The following VSNL1 variants were observed in gnomAD, a reference collection of about 807,000 sequenced individuals.
The protein encoded by VSNL1 is visinin like 1.
VSNL1 carries 6 observed loss-of-function variants against 20.4 expected under a neutral mutation model. The ratio of observed to expected loss-of-function variants is 0.29; its 90% CI spans 0.16 to 0.58. The LOEUF is 0.58. Among genes scored for constraint, VSNL1 ranks in the 20% least tolerant of loss-of-function variants. VSNL1 has a pLI of 0.90. For synonymous variants in VSNL1, 93 were observed against 86.4 expected (o/e 1.08, Z -0.42); for missense variants, 100 against 234.5 (o/e 0.43, Z 3.75).
At chr2:17,582,958 G>A (rs551391817) in intron 1 of VSNL1, among the ~76,000 whole-genome samples, 62 of 152,194 alleles carry the variant, frequency 4.1e-4, no homozygotes, top group African/African-American at 1.4e-3. Flanking sequence ...CCTTCAACTA[G>A]AACATTTTAC....
chr2:17,637,277 G>C (rs1665774724), intron 2 of VSNL1, among the ~76,000 whole-genome samples: 1 of 152,344 alleles, frequency 6.6e-6, no homozygotes, highest in East Asian at 1.9e-4. Flanking sequence ...TGTGCGAGAA[G>C]AGCTTCCCCA....
At chr2:17,583,877 C>T (rs1664406898) in intron 1 of VSNL1, among the ~76,000 whole-genome samples, 1 of 152,188 alleles carries the variant, frequency 6.6e-6, no homozygotes, top group Non-Finnish European at 1.5e-5. Context: ...CTGTCTAGGC[C>T]TGAATCTTGA....
chr2:17,558,724 T>C (rs1456247328), intron 1 of VSNL1, among the ~76,000 whole-genome samples: 1 of 152,178 alleles, frequency 6.6e-6, no homozygotes, highest in Non-Finnish European at 1.5e-5. Context: ...GATCATTATT[T>C]AAAATTCAAA....
intron 1 of VSNL1, among the ~76,000 whole-genome samples, chr2:17,550,724 T>G (rs1663514434): frequency 6.6e-6 from 1 of 152,180 alleles, no homozygotes; most frequent in Admixed American, 6.5e-5. Context: ...GTACTCTGTC[T>G]TGGATAAGCT....
chr2:17,649,373 C>T lies in VSNL1; in HGVS notation c.163-37C>T. On this transcript the variant is annotated intron_variant, in intron 2 of 3. Transcript: ENST00000295156. The surrounding 1 kb of genome is among the most constrained non-coding windows in gnomAD (Gnocchi z 6.4). ...CTACCTCGTCGCCCCGATTCCATCC[C>T]CTCCCGACACCTGACTGCGCGTGTT... 6.2e-7 allele frequency: 1 copy of T among 1,605,966 alleles called. No homozygotes were observed. Among genetic ancestry groups the T allele is most frequent in the Non-Finnish European group, 8.5e-7 (1 of 1,172,712 alleles).
rs1666201059 is a variant in VSNL1 at position 17,655,164 on chromosome 2, G to A, written c.379-33G>A. 1 of 1,607,854 alleles carries A rather than the reference G, an allele frequency of 6.2e-7. No homozygotes were observed. Among genetic ancestry groups the A allele is most frequent in the Admixed American group, 1.7e-5 (1 of 59,814 alleles). On this transcript the variant is annotated intron_variant, in intron 3 of 3. Transcript: ENST00000295156. This position sits in a 1 kb window ranked among gnomAD's most constrained non-coding sequence, Gnocchi z 5.2. Reference sequence around the variant, plus strand: ...GAGCTCTCTGTCCTCCTGGGTTTCTGGTAATATCACCTACAATGCTTTTTT... The same window carrying A: ...GAGCTCTCTGTCCTCCTGGGTTTCTAGTAATATCACCTACAATGCTTTTTT...
At chr2:17,632,653 T>A (rs981580563) in intron 2 of VSNL1, among the ~76,000 whole-genome samples, 11 of 152,290 alleles carry the variant, frequency 7.2e-5, no homozygotes, top group Non-Finnish European at 1.5e-4. Context: ...GGCTAATTAT[T>A]CCTTTATTTG....
intron 1 of VSNL1, among the ~76,000 whole-genome samples, chr2:17,575,464 C>G (rs914562001): frequency 6.6e-6 from 1 of 152,188 alleles, no homozygotes; most frequent in African/African-American, 2.4e-5. Flanking sequence ...ACTACTTACT[C>G]TCTTTGGACC....
At chr2:17,631,247 G>A (rs1237948195) in intron 2 of VSNL1, among the ~76,000 whole-genome samples, 3 of 151,736 alleles carry the variant, frequency 2.0e-5, no homozygotes, top group Non-Finnish European at 4.4e-5. Context: ...TCTCGGTGTG[G>A]GGATGGACTT....
At chr2:17,554,034 C>T (rs1207867524) in intron 1 of VSNL1, among the ~76,000 whole-genome samples, 1 of 152,090 alleles carries the variant, frequency 6.6e-6, no homozygotes, top group African/African-American at 2.4e-5. Flanking sequence ...AGTTAATGGA[C>T]ACTTTATGTA....
chr2:17,621,978 T>G (rs533178515), intron 2 of VSNL1, among the ~76,000 whole-genome samples: 1 of 152,226 alleles, frequency 6.6e-6, no homozygotes, highest in Admixed American at 6.5e-5. Flanking sequence ...TGGATTCTTC[T>G]GGGCTGCTGG....
intron 1 of VSNL1, among the ~76,000 whole-genome samples, chr2:17,571,979 G>C (rs1664094882): frequency 6.6e-6 from 1 of 152,172 alleles, no homozygotes; most frequent in Non-Finnish European, 1.5e-5. Flanking sequence ...CAATATGTTA[G>C]AGAAGACCAC....
intron 1 of VSNL1, among the ~76,000 whole-genome samples, chr2:17,591,182 T>G (rs1446246028): frequency 1.3e-5 from 2 of 152,308 alleles, no homozygotes; most frequent in East Asian, 3.9e-4. Context: ...TATTAATGAA[T>G]AAGTTGAAGA....
intron 2 of VSNL1, among the ~76,000 whole-genome samples, chr2:17,606,198 A>C (rs1664940579): frequency 6.6e-6 from 1 of 152,120 alleles, no homozygotes; most frequent in Non-Finnish European, 1.5e-5. Flanking sequence ...CACTAATAAG[A>C]GTGGTTTGTG....
chr2:17,649,418 T>C lies in VSNL1; in HGVS notation c.171T>C (p.Pro57=). The C allele has an allele frequency of 6.2e-7, 1 of 1,614,200 alleles. No homozygotes were observed. Among genetic ancestry groups the C allele is most frequent in the Non-Finnish European group, 8.5e-7 (1 of 1,180,034 alleles). Residue 57 remains proline (P), a synonymous_variant, in exon 3 of 4, where the codon CCT becomes CCC. Transcript: ENST00000295156. The surrounding 1 kb of genome is among the most constrained non-coding windows in gnomAD (Gnocchi z 6.4). ...EFQQLYVKFF[P]YGDASKFAQH... Reference sequence around the variant, plus strand: ...CGTGTTCTCCTTTGCAGTTCTTTCCTTATGGAGACGCCTCCAAGTTTGCCC... The same window carrying C: ...CGTGTTCTCCTTTGCAGTTCTTTCCCTATGGAGACGCCTCCAAGTTTGCCC...
intron 1 of VSNL1, among the ~76,000 whole-genome samples, chr2:17,588,112 G>A (rs1347223765): frequency 6.6e-6 from 1 of 152,150 alleles, no homozygotes; most frequent in Non-Finnish European, 1.5e-5. Flanking sequence ...GGGATGGGCT[G>A]GCTTTAATAT....
chr2:17,574,164 T>A (rs1664147443), intron 1 of VSNL1, among the ~76,000 whole-genome samples: 1 of 152,204 alleles, frequency 6.6e-6, no homozygotes, highest in African/African-American at 2.4e-5. Context: ...AACTGACCCG[T>A]AGGTTCTGGG....
At chr2:17,606,501 T>C (rs1664947113) in intron 2 of VSNL1, among the ~76,000 whole-genome samples, 1 of 152,198 alleles carries the variant, frequency 6.6e-6, no homozygotes, top group Non-Finnish European at 1.5e-5. Flanking sequence ...CCTACACTTC[T>C]AGCTTAGGTT....
intron 1 of VSNL1, among the ~76,000 whole-genome samples, chr2:17,558,085 A>G (rs1048653379): frequency 1.3e-4 from 20 of 152,196 alleles, no homozygotes; most frequent in Non-Finnish European, 1.6e-4. Flanking sequence ...TTAGATAGAC[A>G]AAGGGCAGAG....
Sources: gnomAD v4.1 joint callset for allele counts (sites outside exome capture counted in the v4.1 genomes callset) on GRCh38, gnomAD v4.1.1 for gene constraint, Gnocchi (gnomAD v3.1) non-coding constraint, MANE v1.5 for transcripts, NCBI Gene and HGNC (gene_info 2026-07-23, HGNC 2026-07-21) for gene names.